Variants in LAMA3 observed in about 807,000 individuals in gnomAD.
The protein encoded by LAMA3 is laminin subunit alpha 3.
In LAMA3, 281 loss-of-function variants were observed where a neutral mutation model predicts 402.0. The observed-to-expected ratio is 0.70, with a 90% CI of 0.63 to 0.77. LAMA3 has a LOEUF of 0.77. Among genes scored for constraint, LAMA3 ranks in the 30% least tolerant of loss-of-function variants. The probability of loss-of-function intolerance (pLI) is 0.00; values close to 1 mark genes in which losing one functional copy is unlikely to be tolerated. For synonymous variants in LAMA3, 1,431 were observed against 1,558.4 expected (o/e 0.92, Z 1.93); for missense variants, 3,840 against 4,215.5 (o/e 0.91, Z 2.47).
At chr18:23,771,364 C>T (rs973661511) in intron 8 of LAMA3, among the ~76,000 whole-genome samples, 5 of 152,142 alleles carry the variant, frequency 3.3e-5, no homozygotes, top group Non-Finnish European at 5.9e-5. Flanking sequence ...TAAAAGTAGT[C>T]CATAGTGGAG....
intron 1 of LAMA3, among the ~76,000 whole-genome samples, chr18:23,699,115 T>C (rs7232217): frequency 0.48 from 71,403 of 150,034 alleles, 19,025 homozygotes; most frequent in Middle Eastern, 0.61. Flanking sequence ...AACCTGAGGG[T>C]TGAGAGGAAG....
At chr18:23,759,407 T>TC (rs1416688430) in intron 7 of LAMA3, among the ~76,000 whole-genome samples, 1 of 152,266 alleles carries the variant, frequency 6.6e-6, no homozygotes, top group East Asian at 1.9e-4. Flanking sequence ...CTATAGATTT[T>TC]CTTCTAAATA....
At chr18:23,705,831 TA>T (rs2060879857) in intron 1 of LAMA3, among the ~76,000 whole-genome samples, 1 of 152,182 alleles carries the variant, frequency 6.6e-6, no homozygotes, top group Admixed American at 6.5e-5. Flanking sequence ...ATATGTATTT[TA>T]AATAGTAATA....
chr18:23,778,430 G>A (rs943296108), intron 11 of LAMA3, among the ~76,000 whole-genome samples: 2 of 152,184 alleles, frequency 1.3e-5, no homozygotes, highest in African/African-American at 4.8e-5. Context: ...TAGACTGTGA[G>A]AGGCAGAGTT....
Position 23,884,865 on chromosome 18 carries a change from G to A in LAMA3, c.5303+12G>A, listed in dbSNP as rs763917613. Reference sequence around the variant, plus strand: ...ACACAGTGTGAAAGGTAAGGTGGGCGCCCCTCCCGCCTCAGCCTGCAGAGG... The same window carrying A: ...ACACAGTGTGAAAGGTAAGGTGGGCACCCCTCCCGCCTCAGCCTGCAGAGG... On this transcript the variant is annotated intron_variant, in intron 41 of 74. Coordinates refer to ENST00000313654, the MANE Select transcript of LAMA3 (RefSeq NM_198129.4). 5.0e-6 allele frequency: 8 copies of A among 1,599,598 alleles called. No homozygotes were observed. The highest frequency in any genetic ancestry group is 3.4e-5 in the South Asian group (3 of 89,464).
At chr18:23,878,584 A>G (rs2064799214) in intron 39 of LAMA3, among the ~76,000 whole-genome samples, 1 of 152,264 alleles carries the variant, frequency 6.6e-6, no homozygotes, top group African/African-American at 2.4e-5. Context: ...GCTGCCCTGA[A>G]TTGTGTCCAC....
At chr18:23,902,129 C>A (rs1410399078) in intron 48 of LAMA3, among the ~76,000 whole-genome samples, 1 of 152,134 alleles carries the variant, frequency 6.6e-6, no homozygotes, top group Non-Finnish European at 1.5e-5. Flanking sequence ...TTGAGACCAG[C>A]CTCGGCAATG....
intron 48 of LAMA3, 47 bp from the exon 49 acceptor site, chr18:23,902,962 T>G (rs2081122874): frequency 9.1e-7 from 1 of 1,096,018 alleles, no homozygotes; most frequent in Non-Finnish European, 1.4e-6. Context: ...CTATGCCTTC[T>G]GATAATATAT....
At chr18:23,797,809 A>G (rs988820079) in intron 12 of LAMA3, among the ~76,000 whole-genome samples, 1 of 152,062 alleles carries the variant, frequency 6.6e-6, no homozygotes, top group African/African-American at 2.4e-5. Flanking sequence ...TATGTTTTGC[A>G]TTAAATTAAT....
intron 34 of LAMA3, among the ~76,000 whole-genome samples, chr18:23,859,136 C>T (rs905480921): frequency 3.3e-5 from 5 of 152,102 alleles, no homozygotes; most frequent in African/African-American, 7.2e-5. Flanking sequence ...ATGGTGAGTT[C>T]GCTGATACAC....
At position 23,705,907 on chromosome 18, in the gene LAMA3, A is replaced by G. The variant is rs77105422; in HGVS notation, c.295-8013A>G. On this transcript the variant is annotated intron_variant, in intron 1 of 74. Transcript: ENST00000313654. ...TGGATAATAATTTATGTCTAAATGT[A>G]TGGTCTGCCCACCCCCATTCCCTCT... Among the ~76,000 whole-genome samples the G allele has an allele frequency of 1.5e-4, 23 of 152,286 alleles. No individual in the cohort carries two copies. In the East Asian group the frequency reaches 4.4e-3, roughly 29 times the overall value.
At position 23,743,377 on chromosome 18, in the gene LAMA3, T is replaced by C. The variant is rs190102982; in HGVS notation, c.448-4566T>C. On this transcript the variant is annotated intron_variant, in intron 2 of 74. Transcript: ENST00000313654. ...TTCGGGGTTCAGCTCTGTCTCTGTG[T>C]TTGCCAAATGGTACCTGCCCCTTGA... 1.2e-3 allele frequency among the ~76,000 whole-genome samples: 186 copies of C among 152,284 alleles called. 2 individuals are homozygous for C. Among genetic ancestry groups the C allele is most frequent in the Admixed American group, 0.01 (153 of 15,292 alleles).
intron 46 of LAMA3, 56 bp from the exon 47 acceptor site, chr18:23,899,230 TAA>T: frequency 1.4e-6 from 2 of 1,439,234 alleles, no homozygotes; most frequent in Admixed American, 3.9e-5. Flanking sequence ...TTTTTTTTTT[TAA>T]GTAGCCTACT....
At chr18:23,811,830 A>G (rs2063074574) in intron 13 of LAMA3, among the ~76,000 whole-genome samples, 7 of 152,062 alleles carry the variant, frequency 4.6e-5, no homozygotes, top group Admixed American at 4.6e-4. Flanking sequence ...CAGCCTGGGC[A>G]ACATAATGAG....
At chr18:23,756,375 A>G (rs1381131687) in intron 6 of LAMA3, among the ~76,000 whole-genome samples, 1 of 141,372 alleles carries the variant, frequency 7.1e-6, no homozygotes, top group Non-Finnish European at 1.6e-5. Context: ...TCTCATATTT[A>G]AAAAAAAAAA....
At chr18:23,824,203 G>GTAGA (rs1347552406) in intron 20 of LAMA3, among the ~76,000 whole-genome samples, 1 of 152,176 alleles carries the variant, frequency 6.6e-6, no homozygotes, top group Admixed American at 6.5e-5. Flanking sequence ...TAATCCCAGT[G>GTAGA]TAGATAGCCA....
intron 10 of LAMA3, among the ~76,000 whole-genome samples, chr18:23,776,829 A>G (rs1302415860): frequency 4.1e-5 from 6 of 147,668 alleles, no homozygotes; most frequent in African/African-American, 1.5e-4. Context: ...GCTGAACAGA[A>G]ATTGTATTTG....
chr18:23,907,559 C>G lies in LAMA3; in HGVS notation c.6728C>G (p.Pro2243Arg). ...CTTTATTTTATTTTAGAAGTCAGTC[C>G]AGCTCTCAACAACCTACAGCAAACC... ...TQKKLKQEVS[P>R]ALNNLQQTLN... Residue 2243 changes from proline (P) to arginine (R), a missense_variant, in exon 53 of 75, where the codon CCA becomes CGA. Pro to Arg is a moderately radical substitution (Grantham distance 103, BLOSUM62 -2). Transcript: ENST00000313654. 6.2e-7 allele frequency: 1 copy of G among 1,611,448 alleles called. No homozygotes were observed. Among genetic ancestry groups the G allele is most frequent in the Non-Finnish European group, 8.5e-7 (1 of 1,177,660 alleles).
At chr18:23,897,203 C>T (rs2080904904) in intron 44 of LAMA3, among the ~76,000 whole-genome samples, 1 of 152,176 alleles carries the variant, frequency 6.6e-6, no homozygotes, top group Non-Finnish European at 1.5e-5. Context: ...ATGAGATCAG[C>T]TCTAGTCTAG....
Sources: allele counts gnomAD v4.1 joint callset (sites outside exome capture counted in the v4.1 genomes callset), GRCh38; gene constraint gnomAD v4.1.1; transcripts MANE v1.5; gene names NCBI Gene and HGNC (gene_info 2026-07-23, HGNC 2026-07-21).